Variants in ZXDC observed in about 807,000 individuals in gnomAD.
The protein encoded by ZXDC is ZXD family zinc finger C.
A neutral mutation model predicts 63.6 loss-of-function variants in ZXDC; 58 were observed. The ratio of observed to expected loss-of-function variants is 0.91; its 90% CI spans 0.74 to 1.13. The LOEUF (loss-of-function observed/expected upper bound fraction) is 1.13. Among genes scored for constraint, ZXDC ranks in the 50% most tolerant of loss-of-function variants. ZXDC has a pLI of 0.00. For missense variants in ZXDC, 1,133 were observed against 1,148.9 expected (o/e 0.99, Z 0.20); for synonymous variants, 561 against 496.1 (o/e 1.13, Z -1.74).
At chr3:126,448,211 C>T (rs988581564) in intron 7 of ZXDC, among the ~76,000 whole-genome samples, 4 of 152,230 alleles carry the variant, frequency 2.6e-5, no homozygotes, top group African/African-American at 9.7e-5. Context: ...GGTATGTTAG[C>T]TTTATACATT....
chr3:126,461,090 T>C (rs979095646), intron 6 of ZXDC: 1 of 986,048 alleles, frequency 1.0e-6, no homozygotes, highest in Non-Finnish European at 1.2e-6. Flanking sequence ...CCCTTTTTTT[T>C]TTTCTTGTTA....
intron 8 of ZXDC, chr3:126,440,982 C>G: frequency 1.0e-6 from 1 of 985,702 alleles, no homozygotes; most frequent in African/African-American, 1.7e-5. Context: ...ACCGCATCCC[C>G]TGCCACAGGG....
chr3:126,473,327 C>T (rs558933674), intron 1 of ZXDC, among the ~76,000 whole-genome samples: 4 of 152,328 alleles, frequency 2.6e-5, no homozygotes, highest in South Asian at 2.1e-4. Context: ...AGACCCTCAT[C>T]ATTCCCACTC....
At position 126,461,784 on chromosome 3, in the gene ZXDC, A is replaced by T. The variant is rs776202737; in HGVS notation, c.1878T>A (p.Ala626=). ...PMKNLSDDPL[A]LTSNSNLAAH... is the part of the protein sequence containing the mutation. ...CTGCTAAGTTACTATTGGAGGTCAA[A>T]GCCAGTGGGTCGTCACTCAAGTTCT... The change falls in exon 6 of 10, where the codon GCT becomes GCA. Residue 626 remains alanine (A), a synonymous_variant. Coordinates refer to ENST00000389709, the MANE Select transcript of ZXDC (RefSeq NM_025112.5). 2 of 1,614,010 alleles carry T rather than the reference A, an allele frequency of 1.2e-6. No homozygotes were observed. Among genetic ancestry groups the T allele is most frequent in the South Asian group, 2.2e-5 (2 of 91,068 alleles).
At chr3:126,466,603 C>T (rs1934777751) in intron 4 of ZXDC, among the ~76,000 whole-genome samples, 1 of 152,242 alleles carries the variant, frequency 6.6e-6, no homozygotes, top group Admixed American at 6.5e-5. Context: ...TCTTCACCCA[C>T]TACATGGAGA....
intron 9 of ZXDC, 53 bp from the exon 10 acceptor site, chr3:126,438,514 A>AGCCACAGGATCCC: frequency 6.5e-7 from 1 of 1,532,296 alleles, no homozygotes; most frequent in Non-Finnish European, 9.0e-7. Context: ...AGGCAGAGGG[A>AGCCACAGGATCCC]TCCTGTGGCT....
At chr3:126,447,020 G>T (rs1933907757) in intron 7 of ZXDC, among the ~76,000 whole-genome samples, 2 of 152,202 alleles carry the variant, frequency 1.3e-5, no homozygotes, top group Admixed American at 1.3e-4. Flanking sequence ...TTTGCTTAGG[G>T]ATGTGCTGCT....
intron 7 of ZXDC, among the ~76,000 whole-genome samples, chr3:126,447,103 T>A (rs990401379): frequency 1.3e-5 from 2 of 152,252 alleles, no homozygotes; most frequent in African/African-American, 4.8e-5. Flanking sequence ...AGTACCCGAC[T>A]GCCTCCTCCC....
intron 1 of ZXDC, 111 bp downstream of exon 1, chr3:126,474,848 C>A: frequency 7.9e-7 from 1 of 1,260,360 alleles, no homozygotes; most frequent in South Asian, 1.6e-5. Context: ...TCCCGAAGAG[C>A]CTGCGTCCCC....
intron 7 of ZXDC, chr3:126,450,546 T>C (rs1489372006): frequency 2.2e-6 from 1 of 456,472 alleles, no homozygotes; most frequent in African/African-American, 2.0e-5. Flanking sequence ...TGCATGTGAC[T>C]AGAAATCTCT....
chr3:126,461,230 A>T, intron 6 of ZXDC: 2 of 1,131,570 alleles, frequency 1.8e-6, no homozygotes, highest in South Asian at 6.5e-5. Flanking sequence ...GTATCTCAAC[A>T]TTACAAAACC....
intron 7 of ZXDC, among the ~76,000 whole-genome samples, chr3:126,449,032 T>C (rs960620813): frequency 2.0e-5 from 3 of 152,130 alleles, no homozygotes; most frequent in Non-Finnish European, 4.4e-5. Context: ...GGGTATGGCA[T>C]AGGGCAGCCA....
chr3:126,462,360 C>A (rs566079808), intron 5 of ZXDC, 140 bp from the exon 6 acceptor site: 2 of 1,398,302 alleles, frequency 1.4e-6, no homozygotes, highest in East Asian at 5.1e-5. Flanking sequence ...TTGGTTATCA[C>A]GACAGAGTCC....
chr3:126,452,206 C>CTT (rs1560094069), intron 7 of ZXDC: 5 of 985,302 alleles, frequency 5.1e-6, no homozygotes, highest in Non-Finnish European at 6.0e-6. Context: ...CACAGCCTTG[C>CTT]GTGAAGTCTT....
Position 126,441,877 on chromosome 3 carries a change from T to C in ZXDC, c.2282A>G (p.Gln761Arg). 1 of 1,613,930 alleles carries C rather than the reference T, an allele frequency of 6.2e-7. No individual in the cohort carries two copies. Among genetic ancestry groups the C allele is most frequent in the East Asian group, 2.2e-5 (1 of 44,866 alleles). The stretch of plus-strand genomic sequence containing the variant: ...GAGGCTCCCACACAACCAACTGTTC[T>C]GGCTTGCATGGAAATGGGGAGGACT... ...KMSPPHFHAS[Q>R]NSWLCGSLVV... Residue 761 changes from glutamine to arginine, a missense_variant, in exon 8 of 10, where the codon CAG (glutamine) becomes CGG (arginine). Physicochemically the swap from Gln to Arg is conservative, Grantham distance 43. Coordinates refer to ENST00000389709, the MANE Select transcript of ZXDC (RefSeq NM_025112.5).
At chr3:126,454,935 A>C (rs1285819136) in intron 7 of ZXDC, 11 of 985,362 alleles carry the variant, frequency 1.1e-5, no homozygotes, top group Non-Finnish European at 1.3e-5. Flanking sequence ...CAATGGGAAG[A>C]GTCTTGGATT....
At chr3:126,468,208 C>T (rs942479537) in intron 4 of ZXDC, among the ~76,000 whole-genome samples, 5 of 152,066 alleles carry the variant, frequency 3.3e-5, no homozygotes, top group Admixed American at 2.0e-4. Flanking sequence ...CTCGGCAACA[C>T]GAGACACAGG....
chr3:126,457,241 T>C (rs1934344045), intron 7 of ZXDC: 20 of 979,286 alleles, frequency 2.0e-5, no homozygotes, highest in Non-Finnish European at 2.2e-5. Flanking sequence ...GCAGCATGAG[T>C]ATGCAGGATG....
At position 126,472,035 on chromosome 3, in the gene ZXDC, A is replaced by G. The variant is rs1204171297; in HGVS notation, c.1077T>C (p.Ile359=). 6.2e-7 allele frequency: 1 copy of G among 1,613,804 alleles called. No individual in the cohort carries two copies. The highest frequency in any genetic ancestry group is 1.7e-5 in the Admixed American group (1 of 59,958). The change falls in exon 3 of 10, where the codon ATT becomes ATC. Residue 359 remains isoleucine (I), a synonymous_variant. Coordinates refer to ENST00000389709, the MANE Select transcript of ZXDC (RefSeq NM_025112.5). ...LRSHTGERPF[I]CDSDSCGWTF... ...TCCAGCCACAGCTGTCAGAGTCACA[A>G]ATAAATGGTCTTTCACCTTATAAAA...
Sources: allele counts gnomAD v4.1 joint callset (sites outside exome capture counted in the v4.1 genomes callset), GRCh38; gene constraint gnomAD v4.1.1; transcripts MANE v1.5; gene names NCBI Gene and HGNC (gene_info 2026-07-23, HGNC 2026-07-21).